Variants in C4orf33 observed in about 807,000 individuals in gnomAD.
C4orf33 encodes the protein chromosome 4 open reading frame 33.
Under a neutral mutation model 24.3 loss-of-function variants are expected in C4orf33, and 20 were observed. That is an observed-to-expected ratio of 0.82 (90% CI 0.58 to 1.19). The LOEUF (loss-of-function observed/expected upper bound fraction) is 1.19. Ranked by LOEUF, C4orf33 falls within the 50% of genes most tolerant of loss-of-function variation. The probability of loss-of-function intolerance (pLI) is 0.00; values close to 1 mark genes in which losing one functional copy is unlikely to be tolerated. For missense variants in C4orf33, 207 were observed against 225.9 expected (o/e 0.92, Z 0.54); for synonymous variants, 67 against 76.4 (o/e 0.88, Z 0.64).
chr4:129,107,022 GAT>G (rs1430784404), intron 3 of C4orf33, among the ~76,000 whole-genome samples: 3 of 151,858 alleles, frequency 2.0e-5, no homozygotes, highest in Non-Finnish European at 2.9e-5. Context: ...TAAAAGGAGA[GAT>G]ATGGGTATAA....
chr4:129,095,314 T>C (rs1393997718), upstream of C4orf33, among the ~76,000 whole-genome samples: 3 of 152,206 alleles, frequency 2.0e-5, no homozygotes, highest in Non-Finnish European at 2.9e-5. Flanking sequence ...ACCTTAGTAC[T>C]TACTTCATGC....
chr4:129,105,903 C>G (rs1012662905), intron 2 of C4orf33, among the ~76,000 whole-genome samples: 1 of 152,076 alleles, frequency 6.6e-6, no homozygotes, highest in African/African-American at 2.4e-5. Context: ...CACAGATATG[C>G]AGTCATTAAC....
chr4:129,096,614 C>G (rs566866515), intron 1 of C4orf33, among the ~76,000 whole-genome samples: 2 of 151,924 alleles, frequency 1.3e-5, no homozygotes, highest in Non-Finnish European at 2.9e-5. Flanking sequence ...CCTTCGTTTC[C>G]TTTTAGAGGT....
chr4:129,108,971 C>T (rs1753600015), intron 3 of C4orf33, among the ~76,000 whole-genome samples: 1 of 152,126 alleles, frequency 6.6e-6, no homozygotes, highest in Non-Finnish European at 1.5e-5. Context: ...ACTGCAACCT[C>T]CACCTCCCGG....
chr4:129,103,974 A>G (rs796841847), intron 2 of C4orf33, among the ~76,000 whole-genome samples: 7 of 152,334 alleles, frequency 4.6e-5, no homozygotes, highest in African/African-American at 1.7e-4. Flanking sequence ...GGTATATAGC[A>G]TCTTCCTAAT....
chr4:129,110,462 C>G (rs1269721830), intron 5 of C4orf33, among the ~76,000 whole-genome samples: 2 of 152,164 alleles, frequency 1.3e-5, no homozygotes, highest in Non-Finnish European at 2.9e-5. Flanking sequence ...AAGGACTACT[C>G]CTTTAGGGAG....
intron 1 of C4orf33, among the ~76,000 whole-genome samples, chr4:129,097,630 C>T (rs1753244129): frequency 6.6e-6 from 1 of 152,190 alleles, no homozygotes; most frequent in Admixed American, 6.5e-5. Flanking sequence ...ATGAACAATG[C>T]TACCACAAAT....
intron 2 of C4orf33, among the ~76,000 whole-genome samples, chr4:129,103,925 A>G (rs565558185): frequency 6.6e-6 from 1 of 152,208 alleles, no homozygotes; most frequent in East Asian, 1.9e-4. Context: ...TTAATTTGTC[A>G]TATGTTAAAT....
chr4:129,095,297 A>T (rs1264775252), upstream of C4orf33, among the ~76,000 whole-genome samples: 1 of 152,122 alleles, frequency 6.6e-6, no homozygotes, highest in African/African-American at 2.4e-5. Flanking sequence ...CTCCCAAGGT[A>T]GGTGCCACCT....
intron 1 of C4orf33, among the ~76,000 whole-genome samples, chr4:129,100,014 T>C (rs1311879069): frequency 6.6e-6 from 1 of 152,202 alleles, no homozygotes; most frequent in African/African-American, 2.4e-5. Flanking sequence ...TTTGGACTGA[T>C]CAGCCATGCA....
intron 5 of C4orf33, 142 bp from the exon 6 acceptor site, chr4:129,111,544 A>G (rs978975231): frequency 7.4e-5 from 38 of 516,070 alleles, no homozygotes; most frequent in East Asian, 4.7e-4. Flanking sequence ...AAAACTGTAC[A>G]TATAAAATAT....
Position 129,101,482 on chromosome 4 carries a change from G to A in C4orf33, c.-9-1120G>A, listed in dbSNP as rs554290582. ...AACATAGGATCTAGTATAATTTGGGGGGTCCACCACTCCTAAAATAAAATT... is the reference window on the plus strand; with the variant it reads ...AACATAGGATCTAGTATAATTTGGGAGGTCCACCACTCCTAAAATAAAATT... On this transcript the variant is annotated intron_variant, in intron 1 of 5. Coordinates refer to ENST00000425929, the MANE Select transcript of C4orf33 (RefSeq NM_001099783.2). 2.0e-5 allele frequency among the ~76,000 whole-genome samples: 3 copies of A among 151,978 alleles called. No homozygotes were observed. The South Asian group carries it at 6.2e-4, about 32-fold the overall frequency.
chr4:129,098,332 C>A (rs968607182), intron 1 of C4orf33, among the ~76,000 whole-genome samples: 1 of 152,138 alleles, frequency 6.6e-6, no homozygotes, highest in Non-Finnish European at 1.5e-5. Context: ...TTCCCTCCCC[C>A]CTCTAGTAGT....
Position 129,102,633 on chromosome 4 carries a change from C to A in C4orf33, c.23C>A (p.Thr8Asn). Residue 8 changes from threonine (T) to asparagine (N), a missense_variant, in exon 2 of 6, where the codon ACT becomes AAT. Thr to Asn is a moderately conservative substitution (Grantham distance 65). Coordinates refer to ENST00000425929, the MANE Select transcript of C4orf33 (RefSeq NM_001099783.2). ...CAGATGGATTTTAAAATTGAACACA[C>A]TTGGGATGGTTTTCCAGTGAAGCAT... MDFKIEH[T>N]WDGFPVKHEP... 1.2e-6 allele frequency: 2 copies of A among 1,612,696 alleles called. No individual in the cohort carries two copies. Among genetic ancestry groups the A allele is most frequent in the Non-Finnish European group, 1.7e-6 (2 of 1,179,390 alleles).
intron 2 of C4orf33, among the ~76,000 whole-genome samples, chr4:129,104,344 G>A (rs955058800): frequency 2.6e-5 from 4 of 152,044 alleles, no homozygotes; most frequent in African/African-American, 9.7e-5. Flanking sequence ...TAGTCTTTTA[G>A]CCCTTAAGCC....
rs1753724698 is a variant in C4orf33, at chr4:129,113,191, A to T, written c.*1400A>T. On this transcript the variant is annotated 3_prime_UTR_variant, in exon 6 of 6. Coordinates refer to ENST00000425929, the MANE Select transcript of C4orf33 (RefSeq NM_001099783.2). ...CAATCACAACAATATAAAATACTGA[A>T]TTTGAATGTTGTAGCTTGTGAGCTT... 1 of 152,162 alleles carries T rather than the reference A, an allele frequency of 6.6e-6. No homozygotes were observed. The highest frequency in any genetic ancestry group is 2.4e-5 in the African/African-American group (1 of 41,456). The allele number at this position is 152,162 out of a possible 1,614,324, so 9.4% of individuals were successfully genotyped here.
In C4orf33 at chr4:129,113,122, CTATT is replaced by C. The variant is rs756228470; in HGVS notation, c.*1335_*1338del. ...TCACAGTTTCAGATATAAATCATAACTATTTATAATATGGATAAAAATGAAGCAC... is the reference window on the plus strand; with the variant it reads ...TCACAGTTTCAGATATAAATCATAACTATAATATGGATAAAAATGAAGCAC... On this transcript the variant is annotated 3_prime_UTR_variant, in exon 6 of 6. Transcript: ENST00000425929. 1.3e-5 allele frequency: 2 copies of C among 152,046 alleles called. No homozygotes were observed. Among genetic ancestry groups the C allele is most frequent in the Admixed American group, 6.6e-5 (1 of 15,238 alleles). 9.4% of individuals were successfully genotyped at this position (152,046 alleles called of 1,614,324 possible).
rs999335980 is a variant in C4orf33 at position 129,116,425 on chromosome 4, T to A, written c.*4634T>A. 2 of 152,190 alleles carry A rather than the reference T, an allele frequency of 1.3e-5. No individual in the cohort carries two copies. Among genetic ancestry groups the A allele is most frequent in the Non-Finnish European group, 2.9e-5 (2 of 68,026 alleles). The allele number at this position is 152,190 out of a possible 1,614,324, so 9.4% of individuals were successfully genotyped here. ...CAGAGAATGCAAGGTTTAGTAAAAA[T>A]TTATTTTCTTTTGGCAGCCTATCAC... On this transcript the variant is annotated 3_prime_UTR_variant, in exon 6 of 6. Transcript: ENST00000425929.
At chr4:129,097,397 A>G (rs1753238603) in intron 1 of C4orf33, among the ~76,000 whole-genome samples, 1 of 152,188 alleles carries the variant, frequency 6.6e-6, no homozygotes, top group Non-Finnish European at 1.5e-5. Context: ...GTTTCCTGAG[A>G]TAGTGTATGC....
Sources: gnomAD v4.1 joint callset for allele counts (sites outside exome capture counted in the v4.1 genomes callset) on GRCh38, gnomAD v4.1.1 for gene constraint, MANE v1.5 for transcripts, NCBI Gene and HGNC (gene_info 2026-07-23, HGNC 2026-07-21) for gene names.